The following NRXN3 variants were observed in gnomAD, a reference collection of about 807,000 sequenced individuals.
The protein encoded by NRXN3 is neurexin III.
Under a neutral mutation model 137.6 loss-of-function variants are expected in NRXN3, and 32 were observed. The ratio of observed to expected loss-of-function variants is 0.23; its 90% CI spans 0.18 to 0.31. NRXN3 has a LOEUF of 0.31. Ranked by LOEUF, NRXN3 falls within the 10% of genes least tolerant of loss-of-function variation. The pLI, the probability that NRXN3 is intolerant of heterozygous loss-of-function variation, is 1.00. For synonymous variants in NRXN3, 798 were observed against 784.5 expected (o/e 1.02, Z -0.29); for missense variants, 1,574 against 2,062.5 (o/e 0.76, Z 4.59).
At chr14:78,261,731 C>A (rs912201237) in intron 2 of NRXN3, among the ~76,000 whole-genome samples, 8 of 152,146 alleles carry the variant, frequency 5.3e-5, no homozygotes, top group African/African-American at 1.9e-4. Flanking sequence ...CTTAGGGAGG[C>A]AAGGTGACTT....
chr14:79,120,112 G>A (rs1596170099), intron 15 of NRXN3, among the ~76,000 whole-genome samples: 1 of 152,048 alleles, frequency 6.6e-6, no homozygotes, highest in Admixed American at 6.6e-5. Context: ...CTTATTTAGT[G>A]TTCAAATTAT....
intron 10 of NRXN3, among the ~76,000 whole-genome samples, chr14:78,887,536 T>C (rs538130609): frequency 6.6e-6 from 1 of 152,190 alleles, no homozygotes; most frequent in African/African-American, 2.4e-5. Context: ...GCCTGATTTT[T>C]TTCCCCCAGT....
intron 15 of NRXN3, among the ~76,000 whole-genome samples, chr14:79,106,615 C>T (rs1037101947): frequency 2.8e-4 from 42 of 152,234 alleles, no homozygotes; most frequent in African/African-American, 9.6e-4. Flanking sequence ...ACCTTACTCT[C>T]CTCTGGACAC....
intron 10 of NRXN3, among the ~76,000 whole-genome samples, chr14:78,940,157 G>A (rs2099350255): frequency 6.6e-6 from 1 of 152,056 alleles, no homozygotes; most frequent in Non-Finnish European, 1.5e-5. Flanking sequence ...CCTACGACAC[G>A]GAAGTACTCG....
chr14:78,764,884 C>T (rs2098703828), intron 8 of NRXN3, among the ~76,000 whole-genome samples: 1 of 152,150 alleles, frequency 6.6e-6, no homozygotes, highest in African/African-American at 2.4e-5. Flanking sequence ...ACAAATGTGC[C>T]AACCTCCCCA....
intron 15 of NRXN3, among the ~76,000 whole-genome samples, chr14:79,123,727 G>A (rs1249226904): frequency 6.6e-6 from 1 of 152,188 alleles, no homozygotes; most frequent in East Asian, 1.9e-4. Flanking sequence ...TATCTTGGAG[G>A]CTGGGATATA....
At chr14:79,337,024 A>C (rs995845394) in intron 15 of NRXN3, among the ~76,000 whole-genome samples, 2 of 152,166 alleles carry the variant, frequency 1.3e-5, no homozygotes, top group African/African-American at 4.8e-5. Context: ...AAAACGCTTC[A>C]CCTATTTCTT....
chr14:79,243,687 T>C (rs1295901013), intron 15 of NRXN3, among the ~76,000 whole-genome samples: 2 of 152,170 alleles, frequency 1.3e-5, no homozygotes, highest in East Asian at 3.9e-4. Flanking sequence ...TCATACAGCA[T>C]GTTACTGTAC....
rs568331387 is a variant in NRXN3 at position 78,353,042 on chromosome 14, C to T, written c.757+55182C>T. Among the ~76,000 whole-genome samples, 3 of 152,264 alleles carry T rather than the reference C, an allele frequency of 2.0e-5. No homozygotes were observed. The East Asian group carries it at 5.8e-4, about 29-fold the overall frequency. On this transcript the variant is annotated intron_variant, in intron 4 of 20. Coordinates refer to ENST00000335750, the MANE Select transcript of NRXN3 (RefSeq NM_001330195.2). ...GAGTAAGGATCGATCACATTCCCTGCAAAAGGGGTAAAATTCTAGATTCTT... is the reference window on the plus strand; with the variant it reads ...GAGTAAGGATCGATCACATTCCCTGTAAAAGGGGTAAAATTCTAGATTCTT...
chr14:78,654,275 T>C (rs1241195454), intron 6 of NRXN3, among the ~76,000 whole-genome samples: 1 of 152,192 alleles, frequency 6.6e-6, no homozygotes, highest in East Asian at 1.9e-4. Context: ...AGAACAGTCT[T>C]TAATTATTTC....
chr14:78,816,982 A>G (rs1228906119), intron 10 of NRXN3, among the ~76,000 whole-genome samples: 1 of 152,232 alleles, frequency 6.6e-6, no homozygotes, highest in Non-Finnish European at 1.5e-5. Context: ...GAAATCTTTT[A>G]ATAGCAATCT....
chr14:78,446,521 T>G (rs1359923098), intron 4 of NRXN3, among the ~76,000 whole-genome samples: 5 of 152,212 alleles, frequency 3.3e-5, no homozygotes, highest in Admixed American at 3.3e-4. Flanking sequence ...GACATAACAT[T>G]TAAGTGTCTA....
At chr14:79,636,540 A>G (rs1322596754) in intron 16 of NRXN3, among the ~76,000 whole-genome samples, 1 of 152,230 alleles carries the variant, frequency 6.6e-6, no homozygotes, top group Non-Finnish European at 1.5e-5. Context: ...TTGCTCTTCC[A>G]GGCACCTAAC....
chr14:79,272,084 G>A (rs1033235004), intron 15 of NRXN3, among the ~76,000 whole-genome samples: 7 of 152,062 alleles, frequency 4.6e-5, no homozygotes, highest in Admixed American at 1.3e-4. Context: ...TTTCCCTGCC[G>A]TAGATCAGTA....
chr14:78,271,936 A>C (rs183580740), intron 2 of NRXN3, among the ~76,000 whole-genome samples: 37 of 152,284 alleles, frequency 2.4e-4, no homozygotes, highest in Admixed American at 1.3e-4. Flanking sequence ...GAACGAAGGA[A>C]ACAACCTCCT....
At chr14:79,269,101 G>C (rs2078906173) in intron 15 of NRXN3, among the ~76,000 whole-genome samples, 1 of 151,260 alleles carries the variant, frequency 6.6e-6, no homozygotes, top group Non-Finnish European at 1.5e-5. Context: ...CAAGGCTGGA[G>C]TGCAGTGGCA....
In NRXN3 at chr14:78,300,956, C is replaced by A. The variant is rs75410889; in HGVS notation, c.757+3096C>A. ...CCTTCTGCATGATCTTGTACTCTTTCTATCAGGAACGGGGGAGGGTGTTCT... is the reference window on the plus strand; with the variant it reads ...CCTTCTGCATGATCTTGTACTCTTTATATCAGGAACGGGGGAGGGTGTTCT... On this transcript the variant is annotated intron_variant, in intron 4 of 20. Coordinates refer to ENST00000335750, the MANE Select transcript of NRXN3 (RefSeq NM_001330195.2). 2.3e-3 allele frequency among the ~76,000 whole-genome samples: 345 copies of A among 152,278 alleles called. 1 individual carries two copies. Among genetic ancestry groups the A allele is most frequent in the African/African-American group, 8.0e-3 (332 of 41,548 alleles).
intron 16 of NRXN3, among the ~76,000 whole-genome samples, chr14:79,500,439 A>G (rs1318566201): frequency 1.3e-5 from 2 of 152,198 alleles, no homozygotes; most frequent in African/African-American, 4.8e-5. Context: ...CATTAGCCCA[A>G]GAAAAGTTAG....
chr14:78,969,814 A>AGTGTGTGTGTGT (rs376306137), intron 14 of NRXN3, among the ~76,000 whole-genome samples: 87 of 141,504 alleles, frequency 6.1e-4, no homozygotes, highest in African/African-American at 2.0e-3. Flanking sequence ...TGTACTATGT[A>AGTGTGTGTGTGT]GTGTGTGTGT....
Sources: gnomAD v4.1 joint callset for allele counts (sites outside exome capture counted in the v4.1 genomes callset) on GRCh38, gnomAD v4.1.1 for gene constraint, MANE v1.5 for transcripts, NCBI Gene and HGNC (gene_info 2026-07-23, HGNC 2026-07-21) for gene names.